Variants in EIF3G observed in about 807,000 individuals in gnomAD.
EIF3G encodes eukaryotic translation initiation factor 3 subunit G.
A neutral mutation model predicts 41.7 loss-of-function variants in EIF3G; 10 were observed. The observed-to-expected ratio is 0.24, with a 90% CI of 0.15 to 0.41. The LOEUF (loss-of-function observed/expected upper bound fraction) is 0.41. EIF3G is among the 10% of genes least tolerant of loss of function. EIF3G has a pLI of 1.00. For missense variants in EIF3G, 297 were observed against 444.0 expected (o/e 0.67, Z 2.98); for synonymous variants, 204 against 172.5 (o/e 1.18, Z -1.43).
rs568457926 is a variant in EIF3G, at chr19:10,116,149, G to C, written c.596-75C>G. ...GGGACAGAGCCGCCCCAGGAAGCTC[G>C]GGCTTCAGTGTTGAGCCAGCGCAGG... On this transcript the variant is annotated intron_variant, in intron 7 of 10. Coordinates refer to ENST00000253108, the MANE Select transcript of EIF3G (RefSeq NM_003755.5). The surrounding 1 kb of genome is among the most constrained non-coding windows in gnomAD (Gnocchi z 4.1). The C allele has an allele frequency of 3.4e-6, 5 of 1,452,078 alleles. No individual in the cohort carries two copies. The highest frequency in any genetic ancestry group is 1.4e-5 in the African/African-American group (1 of 71,312). 89.9% of individuals were successfully genotyped at this position (1,452,078 alleles called of 1,614,324 possible).
At position 10,118,600 on chromosome 19, in the gene EIF3G, T is replaced by C. The variant is rs757303600; in HGVS notation, c.300+68A>G. ...AAAAAAAAGAGTTAAGCCCCATCTCTAAACACAAAGTCCGGGAGCACGGTT... is the reference window on the plus strand; with the variant it reads ...AAAAAAAAGAGTTAAGCCCCATCTCCAAACACAAAGTCCGGGAGCACGGTT... On this transcript the variant is annotated intron_variant, in intron 5 of 10. Coordinates refer to ENST00000253108, the MANE Select transcript of EIF3G (RefSeq NM_003755.5). 12 of 1,415,614 alleles carry C rather than the reference T, an allele frequency of 8.5e-6. No homozygotes were observed. In the Admixed American group the frequency reaches 1.4e-4, roughly 16 times the overall value. 87.7% of individuals were successfully genotyped at this position (1,415,614 alleles called of 1,614,324 possible).
chr19:10,119,396 G>C (rs1245334865), intron 2 of EIF3G: 1 of 747,974 alleles, frequency 1.3e-6, no homozygotes. Context: ...AAGCCAACCA[G>C]GCGCCAGTAG....
rs1471496056 is a variant in EIF3G at position 10,115,737 on chromosome 19, C to G, written c.787G>C (p.Gly263Arg). 2 of 1,614,038 alleles carry G rather than the reference C, an allele frequency of 1.2e-6. No homozygotes were observed. The highest frequency in any genetic ancestry group is 1.7e-6 in the Non-Finnish European group (2 of 1,180,044). Residue 263 changes from glycine (G) to arginine (R), a missense_variant, in exon 9 of 11, where the codon GGC becomes CGC. Physicochemically the swap from Gly to Arg is moderately radical, Grantham distance 125. Coordinates refer to ENST00000253108, the MANE Select transcript of EIF3G (RefSeq NM_003755.5). ...GCCAGGTAGATGCGGGAGATGGAGC[C>G]GAAAGGCCGGAAGAGCTCCTGCAGG... ...TDLQELFRPFGSISRIYLAKD... is the reference protein window; with the variant it reads ...TDLQELFRPFRSISRIYLAKD...
chr19:10,119,711 A>C lies in EIF3G; in HGVS notation c.21-11T>G, dbSNP rs1366213415. The C allele has an allele frequency of 6.2e-7, 1 of 1,609,518 alleles. No individual in the cohort carries two copies. The highest frequency in any genetic ancestry group is 1.1e-5 in the South Asian group (1 of 90,946). Reference sequence around the variant, plus strand: ...CAACTGGGCTTCGAACTGCGGAAACAAATGTGTGGGGAACGAAGATTAAGT... The same window carrying C: ...CAACTGGGCTTCGAACTGCGGAAACCAATGTGTGGGGAACGAAGATTAAGT... On this transcript the variant is annotated splice_polypyrimidine_tract_variant and intron_variant, in intron 1 of 10. Coordinates refer to ENST00000253108, the MANE Select transcript of EIF3G (RefSeq NM_003755.5).
rs1054189173 is a variant in EIF3G, at chr19:10,117,008, G to A, written c.406-19C>T. ...TCAGGTCCTGGCAGGGGCGGGTTGG[G>A]GGGAGCTCAGAGGCGGCTAAGGCAC... On this transcript the variant is annotated intron_variant, in intron 6 of 10. Transcript: ENST00000253108. 10 of 1,604,826 alleles carry A rather than the reference G, an allele frequency of 6.2e-6. No homozygotes were observed. Among genetic ancestry groups the A allele is most frequent in the Non-Finnish European group, 8.5e-6 (10 of 1,173,880 alleles).
chr19:10,115,186 A>G (rs2089219270), intron 10 of EIF3G, 57 bp from the exon 11 acceptor site: 3 of 1,604,922 alleles, frequency 1.9e-6, no homozygotes, highest in Middle Eastern at 1.7e-4. Context: ...AAGACCCCAG[A>G]CACCCAAGTG....
chr19:10,116,773 G>A lies in EIF3G; in HGVS notation c.595+27C>T. On this transcript the variant is annotated intron_variant, in intron 7 of 10. Coordinates refer to ENST00000253108, the MANE Select transcript of EIF3G (RefSeq NM_003755.5). The surrounding 1 kb of genome is among the most constrained non-coding windows in gnomAD (Gnocchi z 4.1). ...GCAGTGGGGACAGAACCCGTGCACTGACAGCAGGACCCTCCCACCCCCACA... is the reference window on the plus strand; with the variant it reads ...GCAGTGGGGACAGAACCCGTGCACTAACAGCAGGACCCTCCCACCCCCACA... 6.5e-7 allele frequency: 1 copy of A among 1,542,910 alleles called. No homozygotes were observed. Among genetic ancestry groups the A allele is most frequent in the Non-Finnish European group, 8.7e-7 (1 of 1,143,632 alleles).
rs764599879 is a variant in EIF3G, at chr19:10,119,039, C to T, written c.151+49G>A. ...GGCAGGGCTGGAGGGAGAGGCAGCC[C>T]GGACACCGAGTGGCAGTCCTCACTC... On this transcript the variant is annotated intron_variant, in intron 3 of 10. Coordinates refer to ENST00000253108, the MANE Select transcript of EIF3G (RefSeq NM_003755.5). 5.6e-6 allele frequency: 9 copies of T among 1,606,836 alleles called. No individual in the cohort carries two copies. In the Admixed American group the frequency reaches 1.0e-4, roughly 18 times the overall value.
chr19:10,115,717 G>A lies in EIF3G; in HGVS notation c.807C>T (p.Tyr269=), dbSNP rs117805948. ...GGCCAGTGGTCTTGTCCTTAGCCAG[G>A]TAGATGCGGGAGATGGAGCCGAAAG... ...FRPFGSISRI[Y]LAKDKTTGQS... Residue 269 remains tyrosine (Y), a synonymous_variant, in exon 9 of 11, where the codon TAC becomes TAT. Transcript: ENST00000253108. The A allele has an allele frequency of 1.6e-3, 2,528 of 1,614,192 alleles. 32 individuals carry two copies. In the East Asian group the frequency reaches 0.035, roughly 22 times the overall value.
intron 2 of EIF3G, 154 bp from the exon 3 acceptor site, chr19:10,119,325 G>T: frequency 3.3e-6 from 3 of 903,536 alleles, no homozygotes; most frequent in Non-Finnish European, 5.3e-6. Context: ...GGATGGCCCT[G>T]TGGGGACTCG....
rs750633234 is a variant in EIF3G, at chr19:10,115,972, C to T, written c.698G>A (p.Arg233His). The change falls in exon 8 of 11, where the codon CGC becomes CAC. Residue 233 changes from arginine (R) to histidine (H), a missense_variant. Coordinates refer to ENST00000253108, the MANE Select transcript of EIF3G (RefSeq NM_003755.5). ...SRRGESMQPN[R>H]RADDNATIRV... ...GGCGTCGGGGTGCCCCTCACCTCTG[C>T]GGTTGGGCTGCATGGACTCCCCGCG... 3.7e-6 allele frequency: 6 copies of T among 1,613,228 alleles called. No individual in the cohort carries two copies. The highest frequency in any genetic ancestry group is 1.7e-5 in the Admixed American group (1 of 59,970).
Position 10,119,872 on chromosome 19 carries a change from T to C in EIF3G, c.-13A>G. Reference sequence around the variant, plus strand: ...CTCCAGTAGGCATCGCAAAAAGTATTCTCCACGCAGCCCAAGCCCGGCCAG... The same window carrying C: ...CTCCAGTAGGCATCGCAAAAAGTATCCTCCACGCAGCCCAAGCCCGGCCAG... On this transcript the variant is annotated 5_prime_UTR_variant, in exon 1 of 11. Coordinates refer to ENST00000253108, the MANE Select transcript of EIF3G (RefSeq NM_003755.5). The C allele has an allele frequency of 6.2e-7, 1 of 1,614,038 alleles. No homozygotes were observed. The highest frequency in any genetic ancestry group is 8.5e-7 in the Non-Finnish European group (1 of 1,180,016).
In EIF3G at chr19:10,119,887, AG is replaced by A; in HGVS notation, c.-29del. On this transcript the variant is annotated 5_prime_UTR_variant, in exon 1 of 11. Transcript: ENST00000253108. ...CAAAAAGTATTCTCCACGCAGCCCA[AG>A]CCCGGCCAGAGAGCGGAAGCGGGCG... 6.2e-7 allele frequency: 1 copy of A among 1,614,092 alleles called. No homozygotes were observed. The highest frequency in any genetic ancestry group is 8.5e-7 in the Non-Finnish European group (1 of 1,180,026).
rs907969886 is a variant in EIF3G, at chr19:10,117,280, AGT to A, written c.301-94_301-93del. 19 of 895,530 alleles carry A rather than the reference AGT, an allele frequency of 2.1e-5. No homozygotes were observed. The African/African-American group carries it at 2.8e-4, about 13-fold the overall frequency. The allele number at this position is 895,530 out of a possible 1,614,324, so 55.5% of individuals were successfully genotyped here. On this transcript the variant is annotated intron_variant, in intron 5 of 10. Coordinates refer to ENST00000253108, the MANE Select transcript of EIF3G (RefSeq NM_003755.5). ...CTAGACCTACAACAGCCACCCCCAG[AGT>A]GTCTGGGCCTCAAACCCCATCTTCA...
At chr19:10,118,847 C>T (rs369348499) in intron 4 of EIF3G, 21 bp downstream of exon 4, 4 of 1,610,734 alleles carry the variant, frequency 2.5e-6, no homozygotes, top group Non-Finnish European at 3.4e-6. Flanking sequence ...GGTCCCCACT[C>T]CCTGCACCCC....
At chr19:10,115,282 C>G in intron 10 of EIF3G, 153 bp from the exon 11 acceptor site, 2 of 1,166,530 alleles carry the variant, frequency 1.7e-6, no homozygotes, top group South Asian at 3.1e-5. Flanking sequence ...CAGGCCTGGT[C>G]CACGGACTGG....
At position 10,116,573 on chromosome 19, in the gene EIF3G, G is replaced by C; in HGVS notation, c.595+227C>G. The C allele has an allele frequency of 1.8e-6, 1 of 546,712 alleles. No homozygotes were observed. The highest frequency in any genetic ancestry group is 2.9e-5 in the East Asian group (1 of 34,284). The allele number at this position is 546,712 out of a possible 1,614,324, so 33.9% of individuals were successfully genotyped here. Reference sequence around the variant, plus strand: ...GGGGCCGACAGACAGCAGCTCATCAGGACAGTCACAGGGCCACCAGCAAAG... The same window carrying C: ...GGGGCCGACAGACAGCAGCTCATCACGACAGTCACAGGGCCACCAGCAAAG... On this transcript the variant is annotated intron_variant, in intron 7 of 10. Transcript: ENST00000253108. This position sits in a 1 kb window ranked among gnomAD's most constrained non-coding sequence, Gnocchi z 4.1.
In EIF3G at chr19:10,119,886, A is replaced by C. The variant is rs755220190; in HGVS notation, c.-27T>G. 1.9e-6 allele frequency: 3 copies of C among 1,614,098 alleles called. No homozygotes were observed. The highest frequency in any genetic ancestry group is 1.3e-5 in the African/African-American group (1 of 75,034). On this transcript the variant is annotated 5_prime_UTR_variant, in exon 1 of 11. Coordinates refer to ENST00000253108, the MANE Select transcript of EIF3G (RefSeq NM_003755.5). Reference sequence around the variant, plus strand: ...GCAAAAAGTATTCTCCACGCAGCCCAAGCCCGGCCAGAGAGCGGAAGCGGG... The same window carrying C: ...GCAAAAAGTATTCTCCACGCAGCCCCAGCCCGGCCAGAGAGCGGAAGCGGG...
In EIF3G at chr19:10,116,484, C is replaced by T. The variant is rs2089252427; in HGVS notation, c.595+316G>A. On this transcript the variant is annotated intron_variant, in intron 7 of 10. Coordinates refer to ENST00000253108, the MANE Select transcript of EIF3G (RefSeq NM_003755.5). This position sits in a 1 kb window ranked among gnomAD's most constrained non-coding sequence, Gnocchi z 4.1. ...CCAAAGAATTCGGACGGTACAGCCA[C>T]AGGCATGCAACGGAGACACTATACA... 6 of 491,006 alleles carry T rather than the reference C, an allele frequency of 1.2e-5. No homozygotes were observed. In the Admixed American group the frequency reaches 2.2e-4, roughly 18 times the overall value. 30.4% of individuals were successfully genotyped at this position (491,006 alleles called of 1,614,324 possible). A position where few individuals can be genotyped will look rare whatever the true frequency, so the allele number is the denominator to read the frequency against.
Sources: allele counts gnomAD v4.1 joint callset, GRCh38; gene constraint gnomAD v4.1.1; non-coding constraint Gnocchi (gnomAD v3.1); transcripts MANE v1.5; gene names NCBI Gene and HGNC (gene_info 2026-07-23, HGNC 2026-07-21).